The following CDH7 variants were observed in gnomAD, a reference collection of about 807,000 sequenced individuals.
The protein encoded by CDH7 is cadherin 7.
CDH7 carries 25 observed loss-of-function variants against 71.8 expected under a neutral mutation model. The ratio of observed to expected loss-of-function variants is 0.35; its 90% CI spans 0.25 to 0.49. CDH7 has a LOEUF of 0.49. Ranked by LOEUF, CDH7 falls within the 20% of genes least tolerant of loss-of-function variation. The pLI is 0.99. For missense variants in CDH7, 862 were observed against 974.6 expected (o/e 0.88, Z 1.54); for synonymous variants, 381 against 363.8 (o/e 1.05, Z -0.54).
chr18:65,804,306 C>T (rs962636724), intron 2 of CDH7, among the ~76,000 whole-genome samples: 1 of 152,020 alleles, frequency 6.6e-6, no homozygotes, highest in African/African-American at 2.4e-5. Context: ...ATATATTTAT[C>T]TCCATTTTAC....
chr18:65,808,032 CAG>C (rs1021230526), intron 2 of CDH7, among the ~76,000 whole-genome samples: 10 of 152,126 alleles, frequency 6.6e-5, no homozygotes, highest in African/African-American at 2.4e-4. Context: ...CTGGATCTGC[CAG>C]AGAGTTGGCC....
chr18:65,782,179 T>TTTCTTTCC (rs1910334049), intron 2 of CDH7, among the ~76,000 whole-genome samples: 2 of 137,082 alleles, frequency 1.5e-5, no homozygotes, highest in African/African-American at 6.3e-5. Flanking sequence ...TCTTTCTTTC[T>TTTCTTTCC]TTCTTTCTTG....
chr18:65,796,061 C>G (rs1298945972), intron 2 of CDH7, among the ~76,000 whole-genome samples: 2 of 152,026 alleles, frequency 1.3e-5, no homozygotes, highest in Non-Finnish European at 2.9e-5. Flanking sequence ...AATAAATTAC[C>G]CAGTCTCGGG....
intron 6 of CDH7, among the ~76,000 whole-genome samples, chr18:65,843,381 C>T (rs551138326): frequency 1.4e-4 from 21 of 152,066 alleles, no homozygotes; most frequent in South Asian, 4.1e-4. Flanking sequence ...CTAATTAAGT[C>T]CCCCAAATCA....
intron 1 of CDH7, among the ~76,000 whole-genome samples, chr18:65,759,770 A>G (rs1916140619): frequency 6.6e-6 from 1 of 152,184 alleles, no homozygotes; most frequent in Non-Finnish European, 1.5e-5. Context: ...TTGTAGGACA[A>G]TGAGTCCTGT....
rs1367903170 is a variant in CDH7 at position 65,885,327 on chromosome 18, A to C, written c.*4433A>C. 2 of 147,814 alleles carry C rather than the reference A, an allele frequency of 1.4e-5. No individual in the cohort carries two copies. The highest frequency in any genetic ancestry group is 3.0e-5 in the Non-Finnish European group (2 of 67,050). 9.2% of individuals were successfully genotyped at this position (147,814 alleles called of 1,614,324 possible). A position where few individuals can be genotyped will look rare whatever the true frequency, so the allele number is the denominator to read the frequency against. On this transcript the variant is annotated 3_prime_UTR_variant, in exon 12 of 12. Coordinates refer to ENST00000397968, the MANE Select transcript of CDH7 (RefSeq NM_004361.5). ...TCTGACACTTTTTCATTGTTATGCT[A>C]ACTTCTACTGGCTTAGAATGTAACT...
intron 6 of CDH7, among the ~76,000 whole-genome samples, chr18:65,843,042 T>C (rs763482761): frequency 6.6e-6 from 1 of 152,212 alleles, no homozygotes; most frequent in African/African-American, 2.4e-5. Context: ...ATGATTTTTA[T>C]TTTTCAAAGA....
chr18:65,881,899 A>G lies in CDH7; in HGVS notation c.*1005A>G, dbSNP rs1183531068. On this transcript the variant is annotated 3_prime_UTR_variant, in exon 12 of 12. Transcript: ENST00000397968. ...CAAAGAGGAGCACAGCTACAAGGAC[A>G]TATAAATTGTTCTTCTGAGCCATTA... The G allele has an allele frequency of 6.6e-6, 1 of 152,170 alleles. No individual in the cohort carries two copies. The highest frequency in any genetic ancestry group is 2.4e-5 in the African/African-American group (1 of 41,462). The allele number at this position is 152,170 out of a possible 1,614,324, so 9.4% of individuals were successfully genotyped here. A position where few individuals can be genotyped will look rare whatever the true frequency, so the allele number is the denominator to read the frequency against.
At chr18:65,854,241 G>A (rs1364345369) in intron 7 of CDH7, among the ~76,000 whole-genome samples, 3 of 151,830 alleles carry the variant, frequency 2.0e-5, no homozygotes, top group Non-Finnish European at 4.4e-5. Context: ...GAGAGGTTGA[G>A]GCTGTAGTGA....
intron 6 of CDH7, among the ~76,000 whole-genome samples, chr18:65,829,877 C>A (rs1912276409): frequency 6.7e-6 from 1 of 149,626 alleles, no homozygotes; most frequent in African/African-American, 2.5e-5. Flanking sequence ...CATAAATATT[C>A]TGATTTTTTT....
At chr18:65,826,849 G>A (rs1226701476) in intron 6 of CDH7, among the ~76,000 whole-genome samples, 1 of 151,564 alleles carries the variant, frequency 6.6e-6, no homozygotes, top group Non-Finnish European at 1.5e-5. Flanking sequence ...AAGTCACAGA[G>A]ATGGTTTTCA....
chr18:65,778,837 C>T (rs1910065361), intron 2 of CDH7, among the ~76,000 whole-genome samples: 1 of 151,884 alleles, frequency 6.6e-6, no homozygotes, highest in South Asian at 2.1e-4. Context: ...AAAACACACT[C>T]ATTTAATGTT....
At chr18:65,763,617 G>A (rs1438351834) in intron 2 of CDH7, among the ~76,000 whole-genome samples, 1 of 151,496 alleles carries the variant, frequency 6.6e-6, no homozygotes, top group East Asian at 1.9e-4. Flanking sequence ...GTGTGTGTGT[G>A]TGTGTGTGTG....
At chr18:65,869,552 T>TTA (rs2144052043) in intron 11 of CDH7, among the ~76,000 whole-genome samples, 1 of 138,788 alleles carries the variant, frequency 7.2e-6, no homozygotes, top group Non-Finnish European at 1.6e-5. Context: ...TCAATTTTTT[T>TTA]TTTTTTTTTT....
intron 7 of CDH7, among the ~76,000 whole-genome samples, chr18:65,853,268 C>T (rs1372641063): frequency 6.6e-6 from 1 of 152,170 alleles, no homozygotes; most frequent in Non-Finnish European, 1.5e-5. Flanking sequence ...CCCATCCTCA[C>T]ACTTCTAGTT....
At chr18:65,773,930 A>C (rs1598993487) in intron 2 of CDH7, among the ~76,000 whole-genome samples, 1 of 152,076 alleles carries the variant, frequency 6.6e-6, no homozygotes. Flanking sequence ...TTACACCCCC[A>C]CACTAATTTT....
chr18:65,831,870 C>T (rs890340862), intron 6 of CDH7, among the ~76,000 whole-genome samples: 6 of 151,542 alleles, frequency 4.0e-5, no homozygotes, highest in African/African-American at 1.5e-4. Flanking sequence ...AAAAATTATA[C>T]CGAGATAAAC....
chr18:65,815,100 TA>T (rs1443606318), intron 4 of CDH7, among the ~76,000 whole-genome samples: 9 of 151,792 alleles, frequency 5.9e-5, no homozygotes, highest in South Asian at 4.1e-4. Flanking sequence ...TAAATATATA[TA>T]TTTTTTTAAT....
intron 2 of CDH7, among the ~76,000 whole-genome samples, chr18:65,782,645 A>T (rs1288622082): frequency 6.6e-6 from 1 of 152,190 alleles, no homozygotes; most frequent in African/African-American, 2.4e-5. Context: ...GAAATACAAG[A>T]TTAGATTCTT....
Sources: gnomAD v4.1 joint callset for allele counts (sites outside exome capture counted in the v4.1 genomes callset) on GRCh38, gnomAD v4.1.1 for gene constraint, MANE v1.5 for transcripts, NCBI Gene and HGNC (gene_info 2026-07-23, HGNC 2026-07-21) for gene names.